Variants in JAKMIP1 observed in about 807,000 individuals in gnomAD.
JAKMIP1 encodes janus kinase and microtubule-interacting protein 1.
In JAKMIP1, 33 loss-of-function variants were observed where a neutral mutation model predicts 113.0. The ratio of observed to expected loss-of-function variants is 0.29; its 90% confidence interval spans 0.22 to 0.39. The LOEUF (loss-of-function observed/expected upper bound fraction) is 0.39. JAKMIP1 is among the 10% of genes least tolerant of loss of function. The pLI, the probability that JAKMIP1 is intolerant of heterozygous loss-of-function variation, is 1.00. For synonymous variants in JAKMIP1, 480 were observed against 459.9 expected (o/e 1.04, Z -0.56); for missense variants, 813 against 1,080.5 (o/e 0.75, Z 3.47).
At position 6,153,257 on chromosome 4, in the gene JAKMIP1, C is replaced by T. The variant is rs1266625329; in HGVS notation, c.-147-40260G>A. On this transcript the variant is annotated intron_variant, in intron 1 of 20. Coordinates refer to ENST00000409021, the MANE Select transcript of JAKMIP1 (RefSeq NM_001099433.2). This position sits in a 1 kb window ranked among gnomAD's most constrained non-coding sequence, Gnocchi z 4.9. ...CTCAGAGGCCCCAACGTCCCTGCCT[C>T]TCAGCCTCAGCTCCAGGGGTCTTCC... Among the ~76,000 whole-genome samples, 4 of 152,218 alleles carry T rather than the reference C, an allele frequency of 2.6e-5. No homozygotes were observed. The highest frequency in any genetic ancestry group is 5.9e-5 in the Non-Finnish European group (4 of 68,044).
Position 6,086,045 on chromosome 4 carries a change from A to C in JAKMIP1, c.625-416T>G, listed in dbSNP as rs1721249250. Among the ~76,000 whole-genome samples the C allele has an allele frequency of 1.3e-5, 2 of 151,758 alleles. No homozygotes were observed. Among genetic ancestry groups the C allele is most frequent in the African/African-American group, 4.8e-5 (2 of 41,290 alleles). ...GTCATTGACCCTCTCCTGCCTGGCCACAACTCCCCAACCCTCACCACCAGA... is the reference window on the plus strand; with the variant it reads ...GTCATTGACCCTCTCCTGCCTGGCCCCAACTCCCCAACCCTCACCACCAGA... On this transcript the variant is annotated intron_variant, in intron 3 of 20. Coordinates refer to ENST00000409021, the MANE Select transcript of JAKMIP1 (RefSeq NM_001099433.2). This position sits in a 1 kb window ranked among gnomAD's most constrained non-coding sequence, Gnocchi z 4.1.
intron 1 of JAKMIP1, among the ~76,000 whole-genome samples, chr4:6,195,179 C>A (rs1442147681): frequency 6.6e-6 from 1 of 152,194 alleles, no homozygotes; most frequent in East Asian, 1.9e-4. Context: ...GGTGCTCAAA[C>A]ATAAGTCTGA....
chr4:6,190,726 G>A (rs550191755), intron 1 of JAKMIP1, among the ~76,000 whole-genome samples: 22 of 152,308 alleles, frequency 1.4e-4, no homozygotes, highest in East Asian at 7.7e-4. Flanking sequence ...GTTGCCCCCC[G>A]GCATCTCTCC....
At chr4:6,029,958 G>A (rs1712380764) in intron 19 of JAKMIP1, among the ~76,000 whole-genome samples, 177 bp from the exon 20 acceptor site, 1 of 152,140 alleles carries the variant, frequency 6.6e-6, no homozygotes, top group African/African-American at 2.4e-5. Flanking sequence ...GCAAGACAGA[G>A]AGCATCCCAG....
chr4:6,091,547 A>G (rs1722065486), intron 3 of JAKMIP1, among the ~76,000 whole-genome samples: 1 of 152,222 alleles, frequency 6.6e-6, no homozygotes, highest in Non-Finnish European at 1.5e-5. Flanking sequence ...GCTTGGAGAC[A>G]GTAACCACCT....
At chr4:6,048,962 C>A in intron 15 of JAKMIP1, 40 bp from the exon 16 acceptor site, 1 of 1,507,598 alleles carries the variant, frequency 6.6e-7, no homozygotes, top group Non-Finnish European at 9.2e-7. Context: ...GACACTGGAT[C>A]CCAAATCCAC....
At chr4:6,170,913 C>G (rs906762336) in intron 1 of JAKMIP1, among the ~76,000 whole-genome samples, 16 of 150,514 alleles carry the variant, frequency 1.1e-4, no homozygotes, top group Non-Finnish European at 1.8e-4. Context: ...ACCATCACCG[C>G]CACCACCTTT....
chr4:6,183,726 A>G lies in JAKMIP1; in HGVS notation c.-148+16527T>C, dbSNP rs1426258418. On this transcript the variant is annotated intron_variant, in intron 1 of 20. Transcript: ENST00000409021. The surrounding 1 kb of genome is among the most constrained non-coding windows in gnomAD (Gnocchi z 5.3). The stretch of plus-strand genomic sequence containing the variant: ...ACCAACTCAAATGGGCTGCAAACCC[A>G]ATATTAACCCTGGTAGACCCCACTG... Among the ~76,000 whole-genome samples, 33 of 152,118 alleles carry G rather than the reference A, an allele frequency of 2.2e-4. No individual in the cohort carries two copies. Among genetic ancestry groups the G allele is most frequent in the Admixed American group, 2.2e-3 (33 of 15,280 alleles).
intron 1 of JAKMIP1, among the ~76,000 whole-genome samples, chr4:6,173,129 CAGG>C (rs1724942526): frequency 1.3e-5 from 2 of 152,188 alleles, no homozygotes; most frequent in African/African-American, 4.8e-5. Context: ...GGAAAAAGTT[CAGG>C]AGATTTCACC....
chr4:6,030,780 C>T (rs925254601), intron 19 of JAKMIP1, among the ~76,000 whole-genome samples: 1 of 152,248 alleles, frequency 6.6e-6, no homozygotes, highest in Non-Finnish European at 1.5e-5. Context: ...TCTCACATTC[C>T]GTAGGGCAGT....
rs139872452 is a variant in JAKMIP1 at position 6,190,789 on chromosome 4, C to T, written c.-148+9464G>A. The stretch of plus-strand genomic sequence containing the variant: ...ACAGGGATGGGGTGATACCCCAGGA[C>T]GCCAGAGCTCCCAGGGTGATGTGAC... On this transcript the variant is annotated intron_variant, in intron 1 of 20. Coordinates refer to ENST00000409021, the MANE Select transcript of JAKMIP1 (RefSeq NM_001099433.2). Among the ~76,000 whole-genome samples the T allele has an allele frequency of 1.2e-4, 19 of 152,352 alleles. No homozygotes were observed. The East Asian group carries it at 1.3e-3, about 11-fold the overall frequency.
chr4:6,048,791 C>T, intron 16 of JAKMIP1, 66 bp downstream of exon 16: 1 of 1,359,520 alleles, frequency 7.4e-7, no homozygotes, highest in Non-Finnish European at 1.1e-6. Flanking sequence ...CGCCAATGTA[C>T]AGTTTCTTGT....
At position 6,137,451 on chromosome 4, in the gene JAKMIP1, A is replaced by G. The variant is rs1305563746; in HGVS notation, c.-147-24454T>C. 6.6e-6 allele frequency among the ~76,000 whole-genome samples: 1 copy of G among 152,218 alleles called. No homozygotes were observed. Among genetic ancestry groups the G allele is most frequent in the East Asian group, 1.9e-4 (1 of 5,186 alleles). ...CACGTCACACCTGATACAGTTCCTG[A>G]AAAGTCGTCTCACACCCTGGGTGAC... is the stretch of plus-strand genomic sequence containing the variant. On this transcript the variant is annotated intron_variant, in intron 1 of 20. Coordinates refer to ENST00000409021, the MANE Select transcript of JAKMIP1 (RefSeq NM_001099433.2). The surrounding 1 kb of genome is among the most constrained non-coding windows in gnomAD (Gnocchi z 4.5).
rs1719221561 is a variant in JAKMIP1 at position 6,136,233 on chromosome 4, G to A, written c.-147-23236C>T. 6.6e-6 allele frequency among the ~76,000 whole-genome samples: 1 copy of A among 152,158 alleles called. No homozygotes were observed. On this transcript the variant is annotated intron_variant, in intron 1 of 20. Coordinates refer to ENST00000409021, the MANE Select transcript of JAKMIP1 (RefSeq NM_001099433.2). This position sits in a 1 kb window ranked among gnomAD's most constrained non-coding sequence, Gnocchi z 5.9. ...TGCACTCCAGCCTGGCCAACAGAGT[G>A]AGACTCAAAGTAAATAAATAAATAC...
intron 3 of JAKMIP1, among the ~76,000 whole-genome samples, chr4:6,104,380 T>C (rs1178661360): frequency 1.3e-5 from 2 of 152,256 alleles, no homozygotes; most frequent in East Asian, 3.8e-4. Flanking sequence ...GGTTTTGTTA[T>C]TGAATGCATT....
rs557043430 is a variant in JAKMIP1 at position 6,138,371 on chromosome 4, C to G, written c.-147-25374G>C. On this transcript the variant is annotated intron_variant, in intron 1 of 20. Transcript: ENST00000409021. This position sits in a 1 kb window ranked among gnomAD's most constrained non-coding sequence, Gnocchi z 6.0. ...CAAGCGATTCTCCTGCCTCAGCTTTCCAAGTAGCTGGGATTACACCACACC... is the reference window on the plus strand; with the variant it reads ...CAAGCGATTCTCCTGCCTCAGCTTTGCAAGTAGCTGGGATTACACCACACC... Among the ~76,000 whole-genome samples, 4 of 152,094 alleles carry G rather than the reference C, an allele frequency of 2.6e-5. No homozygotes were observed. Among genetic ancestry groups the G allele is most frequent in the South Asian group, 4.2e-4 (2 of 4,816 alleles).
rs903495767 is a variant in JAKMIP1, at chr4:6,093,151, C to A, written c.625-7522G>T. ...CCTATGCATCCTTCAAAACCCAGCTCACACCTCACTTCCTCTGTGAAATGA... is the reference window on the plus strand; with the variant it reads ...CCTATGCATCCTTCAAAACCCAGCTAACACCTCACTTCCTCTGTGAAATGA... On this transcript the variant is annotated intron_variant, in intron 3 of 20. Transcript: ENST00000409021. This position sits in a 1 kb window ranked among gnomAD's most constrained non-coding sequence, Gnocchi z 4.6. Among the ~76,000 whole-genome samples, 38 of 152,276 alleles carry A rather than the reference C, an allele frequency of 2.5e-4. No homozygotes were observed. The highest frequency in any genetic ancestry group is 8.7e-4 in the African/African-American group (36 of 41,554).
At chr4:6,173,659 T>C (rs1300636474) in intron 1 of JAKMIP1, among the ~76,000 whole-genome samples, 2 of 152,258 alleles carry the variant, frequency 1.3e-5, no homozygotes, top group African/African-American at 4.8e-5. Flanking sequence ...CCCATTTTTC[T>C]ATCTATAAGG....
At chr4:6,152,469 G>C (rs1452673734) in intron 1 of JAKMIP1, among the ~76,000 whole-genome samples, 1 of 152,182 alleles carries the variant, frequency 6.6e-6, no homozygotes, top group East Asian at 1.9e-4. Flanking sequence ...CCTGGCATTG[G>C]AAGAGTTTGT....
Sources: gnomAD v4.1 joint callset for allele counts (sites outside exome capture counted in the v4.1 genomes callset) on GRCh38, gnomAD v4.1.1 for gene constraint, Gnocchi (gnomAD v3.1) non-coding constraint, MANE v1.5 for transcripts, NCBI Gene and HGNC (gene_info 2026-07-23, HGNC 2026-07-21) for gene names.